The following LY6G6C variants were observed in gnomAD, a reference collection of about 807,000 sequenced individuals.
The protein encoded by LY6G6C is lymphocyte antigen 6 family member G6C.
Under a neutral mutation model 12.8 loss-of-function variants are expected in LY6G6C, and 12 were observed. The observed-to-expected ratio is 0.94, with a 90% CI of 0.60 to 1.52. The LOEUF is 1.52. Ranked by LOEUF, LY6G6C falls within the 40% of genes most tolerant of loss-of-function variation. The pLI, the probability that LY6G6C is intolerant of heterozygous loss-of-function variation, is 0.00. For missense variants in LY6G6C, 125 were observed against 155.8 expected (o/e 0.80, Z 1.05); for synonymous variants, 42 against 61.6 (o/e 0.68, Z 1.49).
In LY6G6C at chr6:31,720,199, G is replaced by A. The variant is rs987048919; in HGVS notation, c.57C>T (p.Asp19=). Residue 19 remains aspartate, a synonymous_variant, in exon 2 of 3, where the codon GAC becomes GAT. Coordinates refer to ENST00000375819, the MANE Select transcript of LY6G6C (RefSeq NM_025261.3). This position sits in a 1 kb window ranked among gnomAD's most constrained non-coding sequence, Gnocchi z 4.9. ...CCTTGTAGCAGGAGTGACAGCGAATGTCAGCTGGGAAGACACAAGTCAGGC... is the reference window on the plus strand; with the variant it reads ...CCTTGTAGCAGGAGTGACAGCGAATATCAGCTGGGAAGACACAAGTCAGGC... ...LSVLLCWVSA[D]IRCHSCYKVP... The A allele has an allele frequency of 5.6e-6, 9 of 1,612,102 alleles. No individual in the cohort carries two copies. The highest frequency in any genetic ancestry group is 1.7e-4 in the Middle Eastern group (1 of 6,056).
At position 31,720,009 on chromosome 6, in the gene LY6G6C, T is replaced by C. The variant is rs906975917; in HGVS notation, c.163+84A>G. ...TGCTATAATCCTCTGCTTCTCCATC[T>C]CAGTCTTAGACCCATTTGGGCCTCA... On this transcript the variant is annotated intron_variant, in intron 2 of 2. Transcript: ENST00000375819. This position sits in a 1 kb window ranked among gnomAD's most constrained non-coding sequence, Gnocchi z 4.9. 11 of 845,564 alleles carry C rather than the reference T, an allele frequency of 1.3e-5. No individual in the cohort carries two copies. The African/African-American group carries it at 1.7e-4, about 13-fold the overall frequency. The allele number at this position is 845,564 out of a possible 1,614,324, so 52.4% of individuals were successfully genotyped here.
At position 31,720,166 on chromosome 6, in the gene LY6G6C, C is replaced by T. The variant is rs1806707771; in HGVS notation, c.90G>A (p.Val30=). 6.2e-7 allele frequency: 1 copy of T among 1,613,124 alleles called. No individual in the cohort carries two copies. Among genetic ancestry groups the T allele is most frequent in the Non-Finnish European group, 8.5e-7 (1 of 1,179,988 alleles). The change falls in exon 2 of 3, where the codon GTG becomes GTA. Residue 30 remains valine (V), a synonymous_variant. Coordinates refer to ENST00000375819, the MANE Select transcript of LY6G6C (RefSeq NM_025261.3). The surrounding 1 kb of genome is among the most constrained non-coding windows in gnomAD (Gnocchi z 4.9). ...IRCHSCYKVP[V]LGCVDRQSCR... ...AGGACTGCCGGTCCACACAGCCCAG[C>T]ACAGGGACCTTGTAGCAGGAGTGAC...
rs753324898 is a variant in LY6G6C, at chr6:31,720,046, A to C, written c.163+47T>G. 1.5e-6 allele frequency: 2 copies of C among 1,378,150 alleles called. No homozygotes were observed. The highest frequency in any genetic ancestry group is 1.8e-4 in the Middle Eastern group (1 of 5,608). 85.4% of individuals were successfully genotyped at this position (1,378,150 alleles called of 1,614,324 possible). A position where few individuals can be genotyped will look rare whatever the true frequency, so the allele number is the denominator to read the frequency against. The stretch of plus-strand genomic sequence containing the variant: ...CCATTTGGGCCTCAGTCCTGGTCAT[A>C]GAGGCTCCCACCTCCCTGTTCACCC... On this transcript the variant is annotated intron_variant, in intron 2 of 2. Coordinates refer to ENST00000375819, the MANE Select transcript of LY6G6C (RefSeq NM_025261.3). This position sits in a 1 kb window ranked among gnomAD's most constrained non-coding sequence, Gnocchi z 4.9.
In LY6G6C at chr6:31,721,742, G is replaced by A; in HGVS notation, c.-63C>T. On this transcript the variant is annotated 5_prime_UTR_variant, in exon 1 of 3. Coordinates refer to ENST00000375819, the MANE Select transcript of LY6G6C (RefSeq NM_025261.3). The stretch of plus-strand genomic sequence containing the variant: ...GATAGAGTAGATTTTCAAGGATCCA[G>A]CTCTAGGAGTTGAGTGGCCTTTTTG... The A allele has an allele frequency of 1.9e-6, 3 of 1,574,896 alleles. No homozygotes were observed. Among genetic ancestry groups the A allele is most frequent in the Middle Eastern group, 1.7e-4 (1 of 5,982 alleles).
chr6:31,719,398 T>C, intron 2 of LY6G6C, 88 bp from the exon 3 acceptor site: 1 of 1,100,060 alleles, frequency 9.1e-7, no homozygotes, highest in South Asian at 1.3e-5. Flanking sequence ...CCACCTAGGC[T>C]TCCTTCCTTC....
chr6:31,720,296 C>T lies in LY6G6C; in HGVS notation c.53-93G>A. Reference sequence around the variant, plus strand: ...GGCAGGGGTGGAGGGTGGAGAAGAGCCCATCCCGTAGGTGCTCCAACCTGT... The same window carrying T: ...GGCAGGGGTGGAGGGTGGAGAAGAGTCCATCCCGTAGGTGCTCCAACCTGT... On this transcript the variant is annotated intron_variant, in intron 1 of 2. Transcript: ENST00000375819. The surrounding 1 kb of genome is among the most constrained non-coding windows in gnomAD (Gnocchi z 4.9). The T allele has an allele frequency of 1.2e-6, 1 of 847,366 alleles. No individual in the cohort carries two copies. Among genetic ancestry groups the T allele is most frequent in the South Asian group, 1.5e-5 (1 of 67,024 alleles). 52.5% of individuals were successfully genotyped at this position (847,366 alleles called of 1,614,324 possible).
Position 31,720,187 on chromosome 6 carries a change from G to C in LY6G6C, c.69C>G (p.His23Gln). ...LCWVSADIRC[H>Q]SCYKVPVLGC... ...CCAGCACAGGGACCTTGTAGCAGGA[G>C]TGACAGCGAATGTCAGCTGGGAAGA... The change falls in exon 2 of 3, where the codon CAC becomes CAG. Residue 23 changes from histidine to glutamine, a missense_variant. By Grantham distance (24) the His-to-Gln change is conservative (BLOSUM62 0). Coordinates refer to ENST00000375819, the MANE Select transcript of LY6G6C (RefSeq NM_025261.3). This position sits in a 1 kb window ranked among gnomAD's most constrained non-coding sequence, Gnocchi z 4.9. The C allele has an allele frequency of 6.2e-7, 1 of 1,612,884 alleles. No homozygotes were observed. Among genetic ancestry groups the C allele is most frequent in the Non-Finnish European group, 8.5e-7 (1 of 1,179,822 alleles).
Position 31,720,652 on chromosome 6 carries a change from G to A in LY6G6C, c.53-449C>T, listed in dbSNP as rs181222024. 3.9e-5 allele frequency among the ~76,000 whole-genome samples: 6 copies of A among 152,320 alleles called. No homozygotes were observed. Among genetic ancestry groups the A allele is most frequent in the African/African-American group, 7.2e-5 (3 of 41,564 alleles). ...AAATGCCTTGGAACTTGAGGCTGGC[G>A]AGAAAGCCATCTGTGGCCAGCTTTA... On this transcript the variant is annotated intron_variant, in intron 1 of 2. Coordinates refer to ENST00000375819, the MANE Select transcript of LY6G6C (RefSeq NM_025261.3). The surrounding 1 kb of genome is among the most constrained non-coding windows in gnomAD (Gnocchi z 4.9).
Position 31,721,745 on chromosome 6 carries a change from C to A in LY6G6C, c.-66G>T. On this transcript the variant is annotated 5_prime_UTR_variant, in exon 1 of 3. Coordinates refer to ENST00000375819, the MANE Select transcript of LY6G6C (RefSeq NM_025261.3). ...AGAGTAGATTTTCAAGGATCCAGCT[C>A]TAGGAGTTGAGTGGCCTTTTTGGAA... The A allele has an allele frequency of 6.4e-7, 1 of 1,569,100 alleles. No individual in the cohort carries two copies. Among genetic ancestry groups the A allele is most frequent in the Non-Finnish European group, 8.8e-7 (1 of 1,141,196 alleles).
chr6:31,721,721 G>A lies in LY6G6C; in HGVS notation c.-42C>T. 1 of 1,607,486 alleles carries A rather than the reference G, an allele frequency of 6.2e-7. No homozygotes were observed. The highest frequency in any genetic ancestry group is 8.5e-7 in the Non-Finnish European group (1 of 1,174,296). On this transcript the variant is annotated 5_prime_UTR_variant, in exon 1 of 3. Transcript: ENST00000375819. ...ATGGTGGCAACCACAGCAGCTGATA[G>A]AGTAGATTTTCAAGGATCCAGCTCT...
At chr6:31,721,464 A>G (rs1806779218) in intron 1 of LY6G6C, among the ~76,000 whole-genome samples, 164 bp downstream of exon 1, 1 of 151,834 alleles carries the variant, frequency 6.6e-6, no homozygotes, top group African/African-American at 2.4e-5. Context: ...TAGAGCAAGG[A>G]GGCTGTCATA....
rs1806642560 is a variant in LY6G6C, at chr6:31,719,165, C to T, written c.309G>A (p.Arg103=). Residue 103 remains arginine (R), a synonymous_variant, in exon 3 of 3, where the codon CGG becomes CGA. Coordinates refer to ENST00000375819, the MANE Select transcript of LY6G6C (RefSeq NM_025261.3). ...NKDNCNSAGP[R]PTPALGLVFL... is the part of the protein sequence containing the mutation. ...AGACAAGGCCCAGGGCTGGAGTGGG[C>T]CGGGGTCCTGCGCTGTTGCAGTTGT... 1 of 1,613,880 alleles carries T rather than the reference C, an allele frequency of 6.2e-7. No homozygotes were observed.
At chr6:31,719,340 C>T in intron 2 of LY6G6C, 30 bp from the exon 3 acceptor site, 1 of 1,602,458 alleles carries the variant, frequency 6.2e-7, no homozygotes, top group Non-Finnish European at 8.5e-7. Flanking sequence ...GGGAATCGGC[C>T]AGGATGGGCA....
Position 31,721,738 on chromosome 6 carries a change from T to C in LY6G6C, c.-59A>G. 3 of 1,588,064 alleles carry C rather than the reference T, an allele frequency of 1.9e-6. No homozygotes were observed. Among genetic ancestry groups the C allele is most frequent in the Admixed American group, 3.4e-5 (2 of 59,630 alleles). ...AGCTGATAGAGTAGATTTTCAAGGATCCAGCTCTAGGAGTTGAGTGGCCTT... is the reference window on the plus strand; with the variant it reads ...AGCTGATAGAGTAGATTTTCAAGGACCCAGCTCTAGGAGTTGAGTGGCCTT... On this transcript the variant is annotated 5_prime_UTR_variant, in exon 1 of 3. Coordinates refer to ENST00000375819, the MANE Select transcript of LY6G6C (RefSeq NM_025261.3).
chr6:31,720,149 C>T lies in LY6G6C; in HGVS notation c.107G>A (p.Arg36Gln), dbSNP rs572536947. Residue 36 changes from arginine to glutamine, a missense_variant, in exon 2 of 3, where the codon CGG becomes CAG. Transcript: ENST00000375819. This position sits in a 1 kb window ranked among gnomAD's most constrained non-coding sequence, Gnocchi z 4.9. ...TCCTGGCTCCAGGCGGCAGGACTGC[C>T]GGTCCACACAGCCCAGCACAGGGAC... ...YKVPVLGCVD[R>Q]QSCRLEPGQQ... is the part of the protein sequence containing the mutation. The T allele has an allele frequency of 2.0e-5, 32 of 1,613,040 alleles. No individual in the cohort carries two copies. The highest frequency in any genetic ancestry group is 5.0e-5 in the Admixed American group (3 of 60,020).
Position 31,719,154 on chromosome 6 carries a change from G to A in LY6G6C, c.320C>T (p.Ala107Val). Residue 107 changes from alanine (A) to valine (V), a missense_variant, in exon 3 of 3, where the codon GCC becomes GTC. Ala to Val is a moderately conservative substitution (Grantham distance 64). Coordinates refer to ENST00000375819, the MANE Select transcript of LY6G6C (RefSeq NM_025261.3). ...CNSAGPRPTP[A>V]LGLVFLTSLA... Reference sequence around the variant, plus strand: ...GGAGGTAAGGAAGACAAGGCCCAGGGCTGGAGTGGGCCGGGGTCCTGCGCT... The same window carrying A: ...GGAGGTAAGGAAGACAAGGCCCAGGACTGGAGTGGGCCGGGGTCCTGCGCT... 6.2e-7 allele frequency: 1 copy of A among 1,614,190 alleles called. No homozygotes were observed. Among genetic ancestry groups the A allele is most frequent in the South Asian group, 1.1e-5 (1 of 91,088 alleles).
chr6:31,721,518 G>A (rs1485948937), intron 1 of LY6G6C, 110 bp downstream of exon 1: 65 of 955,928 alleles, frequency 6.8e-5, no homozygotes, highest in Non-Finnish European at 3.2e-6. Flanking sequence ...AGCCAGTTGG[G>A]GCTGGGGGTG....
Position 31,719,063 on chromosome 6 carries a change from A to G in LY6G6C, c.*33T>C, listed in dbSNP as rs1202944171. On this transcript the variant is annotated 3_prime_UTR_variant, in exon 3 of 3. Transcript: ENST00000375819. ...CAGGGAGAGAGGCTCAGGCCAAGGC[A>G]GGTGGGAGGAGGGGCAGCCAATGGA... 6.3e-7 allele frequency: 1 copy of G among 1,576,320 alleles called. No homozygotes were observed. The highest frequency in any genetic ancestry group is 1.7e-5 in the Admixed American group (1 of 59,796).
chr6:31,720,689 T>C lies in LY6G6C; in HGVS notation c.53-486A>G, dbSNP rs1469078815. ...TGTGGCCAGCTTTAGCAATTTACAA[T>C]TTACTCTTCACCTCCTGGAGCTGGC... is the stretch of plus-strand genomic sequence containing the variant. On this transcript the variant is annotated intron_variant, in intron 1 of 2. Coordinates refer to ENST00000375819, the MANE Select transcript of LY6G6C (RefSeq NM_025261.3). This position sits in a 1 kb window ranked among gnomAD's most constrained non-coding sequence, Gnocchi z 4.9. 6.6e-6 allele frequency among the ~76,000 whole-genome samples: 1 copy of C among 152,108 alleles called. No individual in the cohort carries two copies. The highest frequency in any genetic ancestry group is 1.5e-5 in the Non-Finnish European group (1 of 68,022).
Sources: allele counts gnomAD v4.1 joint callset (sites outside exome capture counted in the v4.1 genomes callset), GRCh38; gene constraint gnomAD v4.1.1; non-coding constraint Gnocchi (gnomAD v3.1); transcripts MANE v1.5; gene names NCBI Gene and HGNC (gene_info 2026-07-23, HGNC 2026-07-21).